LRRC37A2: variants seen among roughly 807,000 people sequenced by gnomAD.
The protein encoded by LRRC37A2 is leucine-rich repeat-containing protein 37A2.
Under a neutral mutation model 68.8 loss-of-function variants are expected in LRRC37A2, and 9 were observed. The observed-to-expected ratio is 0.13, with a 90% CI of 0.08 to 0.23. The LOEUF (loss-of-function observed/expected upper bound fraction) is 0.23. Among genes scored for constraint, LRRC37A2 ranks in the 10% least tolerant of loss-of-function variants. The pLI, the probability that LRRC37A2 is intolerant of heterozygous loss-of-function variation, is 1.00. For missense variants in LRRC37A2, 168 were observed against 950.4 expected (o/e 0.18, Z 10.82); for synonymous variants, 63 against 367.6 (o/e 0.17, Z 9.48).
the LRRC37A2 span, chr17:46,923,533 G>A: frequency 7.5e-7 from 1 of 1,340,224 alleles, no homozygotes; most frequent in Non-Finnish European, 9.5e-7. Context: ...TCCAGCACTT[G>A]TCAACTCGGT....
chr17:46,738,252 G>A, the LRRC37A2 span, among the ~76,000 whole-genome samples: 4 of 151,908 alleles, frequency 2.6e-5, no homozygotes, highest in Non-Finnish European at 2.9e-5. Flanking sequence ...TTTAATTAAC[G>A]TACAATATGA....
At chr17:46,761,277 C>T in the LRRC37A2 span, among the ~76,000 whole-genome samples, 9 of 151,678 alleles carry the variant, frequency 5.9e-5, no homozygotes, top group Admixed American at 5.2e-4. Flanking sequence ...CAGCGCAGAG[C>T]AGCCCGCCTC....
the LRRC37A2 span, among the ~76,000 whole-genome samples, chr17:46,779,093 A>ACACACACACACACG: frequency 2.5e-5 from 3 of 121,160 alleles, no homozygotes; most frequent in Non-Finnish European, 5.8e-5. Flanking sequence ...ACACACACAC[A>ACACACACACACACG]CACACACACA....
chr17:46,543,496 C>T (rs1364059496), intron 8 of LRRC37A2, among the ~76,000 whole-genome samples: 7 of 150,960 alleles, frequency 4.6e-5, no homozygotes, highest in South Asian at 2.1e-4. Context: ...AATGTGTATA[C>T]GGACCGCATA....
the LRRC37A2 span, among the ~76,000 whole-genome samples, chr17:46,779,101 A>ACCCCCCC: frequency 7.1e-6 from 1 of 139,976 alleles, no homozygotes; most frequent in Admixed American, 7.8e-5. Flanking sequence ...ACACACACAC[A>ACCCCCCC]CACCCCAGCC....
the LRRC37A2 span, among the ~76,000 whole-genome samples, chr17:47,033,928 T>C: frequency 6.6e-6 from 1 of 152,252 alleles, no homozygotes; most frequent in Non-Finnish European, 1.5e-5. Flanking sequence ...TGCCACATTT[T>C]ACTCCCATAA....
the LRRC37A2 span, among the ~76,000 whole-genome samples, chr17:46,849,825 C>T: frequency 2.0e-5 from 3 of 151,950 alleles, no homozygotes; most frequent in Non-Finnish European, 2.9e-5. Context: ...TATTAGGTGC[C>T]GGCACCTGCT....
chr17:46,983,289 C>CTT, the LRRC37A2 span, among the ~76,000 whole-genome samples: 367 of 76,844 alleles, frequency 4.8e-3, no homozygotes, highest in East Asian at 0.014. Context: ...GCCCTTTCTT[C>CTT]TTTTTTTTTT....
chr17:46,816,481 A>G, the LRRC37A2 span, among the ~76,000 whole-genome samples: 1,286 of 47,016 alleles, frequency 0.027, 7 homozygotes, highest in South Asian at 0.035. Flanking sequence ...ACACGCACAC[A>G]CACACACACA....
the LRRC37A2 span, among the ~76,000 whole-genome samples, chr17:46,492,434 A>G: frequency 2.0e-5 from 3 of 150,896 alleles, no homozygotes; most frequent in African/African-American, 7.5e-5. Flanking sequence ...TGAATATTTC[A>G]ATTATTTCTA....
At chr17:46,987,665 A>G in the LRRC37A2 span, among the ~76,000 whole-genome samples, 3 of 152,090 alleles carry the variant, frequency 2.0e-5, no homozygotes, top group African/African-American at 7.2e-5. Context: ...ACTCCAGCAA[A>G]TATACACACA....
the LRRC37A2 span, chr17:46,768,224 A>C: frequency 6.4e-7 from 1 of 1,571,804 alleles, no homozygotes; most frequent in African/African-American, 1.3e-5. The surrounding 1 kb of genome is among the most constrained non-coding windows in gnomAD (Gnocchi z 5.0). Context: ...TAGAAACAGA[A>C]GGGGGTCGTC....
At chr17:46,851,911 C>T in the LRRC37A2 span, among the ~76,000 whole-genome samples, 3 of 152,192 alleles carry the variant, frequency 2.0e-5, no homozygotes, top group East Asian at 1.9e-4. This position sits in a 1 kb window ranked among gnomAD's most constrained non-coding sequence, Gnocchi z 4.3. Flanking sequence ...TTCCCCGGCT[C>T]CGAATCCATC....
At chr17:46,945,200 T>C in the LRRC37A2 span, among the ~76,000 whole-genome samples, 1 of 152,194 alleles carries the variant, frequency 6.6e-6, no homozygotes, top group African/African-American at 2.4e-5. Flanking sequence ...CAGCCCTGGC[T>C]GCTGTGGGCT....
At chr17:46,922,821 C>T in the LRRC37A2 span, 11 of 279,904 alleles carry the variant, frequency 3.9e-5, 1 homozygote, top group African/African-American at 2.4e-4. Context: ...CTCCAGTCCT[C>T]TCTGCGGCAG....
the LRRC37A2 span, among the ~76,000 whole-genome samples, chr17:46,718,812 A>G: frequency 6.6e-6 from 1 of 152,256 alleles, no homozygotes; most frequent in Non-Finnish European, 1.5e-5. Context: ...TGCCTGGGAT[A>G]TAATATGAAA....
the LRRC37A2 span, among the ~76,000 whole-genome samples, chr17:46,637,044 C>T: frequency 1.4e-5 from 2 of 147,302 alleles, no homozygotes; most frequent in Non-Finnish European, 3.0e-5. Context: ...TTAGTAGAGA[C>T]GGGGTTTCAC....
chr17:46,393,408 C>CA, the LRRC37A2 span, among the ~76,000 whole-genome samples: 24 of 74,132 alleles, frequency 3.2e-4, no homozygotes, highest in Admixed American at 2.9e-3. Context: ...CAGAATTTAC[C>CA]AAAAAAAATT....
At chr17:46,861,453 C>A in the LRRC37A2 span, among the ~76,000 whole-genome samples, 3 of 152,226 alleles carry the variant, frequency 2.0e-5, no homozygotes, top group Admixed American at 2.0e-4. Context: ...ACTCCTTCAT[C>A]TTCTGCCTCC....
Sources: allele counts gnomAD v4.1 joint callset (sites outside exome capture counted in the v4.1 genomes callset), GRCh38; gene constraint gnomAD v4.1.1; non-coding constraint Gnocchi (gnomAD v3.1); transcripts MANE v1.5; gene names NCBI Gene and HGNC (gene_info 2026-07-23, HGNC 2026-07-21).